FBLN2: variants seen among roughly 807,000 people sequenced by gnomAD.
The protein encoded by FBLN2 is fibulin-2.
A neutral mutation model predicts 123.7 loss-of-function variants in FBLN2; 81 were observed. The ratio of observed to expected loss-of-function variants is 0.65; its 90% CI spans 0.55 to 0.79. The LOEUF (loss-of-function observed/expected upper bound fraction) is 0.79, where lower values mean the gene tolerates loss of function less well. Among genes scored for constraint, FBLN2 ranks in the 30% least tolerant of loss-of-function variants. FBLN2 has a pLI of 0.00. For synonymous variants in FBLN2, 699 were observed against 701.4 expected, an observed-to-expected ratio of 1.00 and a Z score of 0.05; for missense variants, 1,603 against 1,681.3, an observed-to-expected ratio of 0.95 and a Z score of 0.81.
At chr3:13,627,684 G>A (rs186363266) in intron 10 of FBLN2, 148 bp from the exon 11 acceptor site, 23 of 1,016,582 alleles carry the variant, frequency 2.3e-5, no homozygotes, top group African/African-American at 1.6e-4. Context: ...AGGCCATGCC[G>A]GCAACAATGT....
At chr3:13,580,142 G>T (rs548147288) in intron 2 of FBLN2, among the ~76,000 whole-genome samples, 1 of 152,318 alleles carries the variant, frequency 6.6e-6, no homozygotes, top group South Asian at 2.1e-4. Flanking sequence ...GGGCATTGGG[G>T]TTGTTTCCAG....
chr3:13,585,382 G>C (rs1704463279), intron 2 of FBLN2, among the ~76,000 whole-genome samples: 2 of 152,172 alleles, frequency 1.3e-5, no homozygotes, highest in East Asian at 1.9e-4. Context: ...ATTTTAGTGG[G>C]GGGTGTGCAT....
At chr3:13,587,372 T>C (rs572594346) in intron 2 of FBLN2, among the ~76,000 whole-genome samples, 2 of 152,278 alleles carry the variant, frequency 1.3e-5, no homozygotes, top group Non-Finnish European at 2.9e-5. Flanking sequence ...CTAAATTTAG[T>C]GTAGCTGAAG....
intron 5 of FBLN2, among the ~76,000 whole-genome samples, chr3:13,616,771 G>C (rs1447365920): frequency 6.6e-6 from 1 of 152,204 alleles, no homozygotes; most frequent in Non-Finnish European, 1.5e-5. Context: ...AGGCAGCTCA[G>C]CCTCAGGAGC....
chr3:13,596,581 T>G (rs939856647), intron 2 of FBLN2, among the ~76,000 whole-genome samples: 2 of 152,190 alleles, frequency 1.3e-5, no homozygotes, highest in African/African-American at 4.8e-5. Flanking sequence ...ACATGACATT[T>G]TCCATTTTTA....
In FBLN2 at chr3:13,636,448, T is replaced by C. The variant is rs1706473777; in HGVS notation, c.3218T>C (p.Val1073Ala). 1 of 1,613,674 alleles carries C rather than the reference T, an allele frequency of 6.2e-7. No homozygotes were observed. Among genetic ancestry groups the C allele is most frequent in the Non-Finnish European group, 8.5e-7 (1 of 1,179,750 alleles). ...CATTGCCCCTCTTCTCCCCCAGACG[T>C]GGATGAGTGTGCACTGGGTACCCAC... is the stretch of plus-strand genomic sequence containing the variant. ...MTANGRSCKDVDECALGTHNC... is the reference protein window; with the variant it reads ...MTANGRSCKDADECALGTHNC... Residue 1073 changes from valine to alanine, a missense_variant, in exon 17 of 18, where the codon GTG becomes GCG. Val to Ala is a moderately conservative substitution (Grantham distance 64). Coordinates refer to ENST00000404922, the MANE Select transcript of FBLN2 (RefSeq NM_001004019.2).
chr3:13,569,173 G>A (rs112403375), intron 1 of FBLN2: 46 of 464,530 alleles, frequency 9.9e-5, no homozygotes, highest in African/African-American at 1.1e-4. Flanking sequence ...TGAGAAGGTG[G>A]CATTTGAGTG....
At chr3:13,580,997 C>G (rs1254587836) in intron 2 of FBLN2, among the ~76,000 whole-genome samples, 5 of 152,188 alleles carry the variant, frequency 3.3e-5, no homozygotes. Flanking sequence ...GCCACGTGGT[C>G]TCCAGCTGGT....
At chr3:13,568,818 T>A in intron 1 of FBLN2, 1 of 985,624 alleles carries the variant, frequency 1.0e-6, no homozygotes. Flanking sequence ...TTGGGTTTAT[T>A]ATCTGCCCCT....
intron 4 of FBLN2, among the ~76,000 whole-genome samples, chr3:13,611,038 C>G (rs1363127464): frequency 1.3e-5 from 2 of 152,012 alleles, no homozygotes; most frequent in Non-Finnish European, 2.9e-5. Flanking sequence ...TCCCGAGTAG[C>G]TGGGATTACA....
intron 16 of FBLN2, among the ~76,000 whole-genome samples, chr3:13,632,118 A>G (rs1363196424): frequency 6.6e-6 from 1 of 152,172 alleles, no homozygotes; most frequent in Non-Finnish European, 1.5e-5. Flanking sequence ...TCTGCTAGAG[A>G]GTCGTACTTC....
Position 13,626,501 on chromosome 3 carries a change from A to G in FBLN2, c.2353A>G (p.Asn785Asp). The change falls in exon 10 of 18, where the codon AAC becomes GAC. Residue 785 changes from asparagine (N) to aspartate (D), a missense_variant. Transcript: ENST00000404922. ...GTGCAGCCGGGGCGAGCACTGTGTGAACACACTGGGCTCCTTCCACTGCTA... is the reference window on the plus strand; with the variant it reads ...GTGCAGCCGGGGCGAGCACTGTGTGGACACACTGGGCTCCTTCCACTGCTA... ...HTCSRGEHCV[N>D]TLGSFHCYKA... The G allele has an allele frequency of 6.4e-7, 1 of 1,572,012 alleles. No individual in the cohort carries two copies. The highest frequency in any genetic ancestry group is 8.6e-7 in the Non-Finnish European group (1 of 1,158,580).
rs184754485 is a variant in FBLN2 at position 13,567,601 on chromosome 3, G to A, written c.-41-2714G>A. On this transcript the variant is annotated intron_variant, in intron 1 of 17. Transcript: ENST00000404922. ...TCGAACTCCTGACCTCAAGTGATCC[G>A]CCTGTCTTGGCCTCCCAAAGTGCTG... 1.5e-3 allele frequency among the ~76,000 whole-genome samples: 223 copies of A among 152,242 alleles called. 1 individual carries two copies. Among genetic ancestry groups the A allele is most frequent in the African/African-American group, 4.9e-3 (202 of 41,566 alleles).
At chr3:13,633,994 C>CACACACACACACACACACACACACAG (rs1486654741) in intron 16 of FBLN2, among the ~76,000 whole-genome samples, 1 of 150,582 alleles carries the variant, frequency 6.6e-6, no homozygotes, top group East Asian at 2.0e-4. Context: ...CACACACACA[C>CACACACACACACACACACACACACAG]AGCTGAAAGT....
chr3:13,565,180 C>T lies in FBLN2; in HGVS notation c.-41-5135C>T, dbSNP rs183555498. Reference sequence around the variant, plus strand: ...CACGTTCAAGTGATGGCCCTGAGTACGTAACCCCAGGTGTGAACCCTGCTG... The same window carrying T: ...CACGTTCAAGTGATGGCCCTGAGTATGTAACCCCAGGTGTGAACCCTGCTG... On this transcript the variant is annotated intron_variant, in intron 1 of 17. Transcript: ENST00000404922. 4.5e-3 allele frequency among the ~76,000 whole-genome samples: 690 copies of T among 152,308 alleles called. 4 individuals carry two copies. Among genetic ancestry groups the T allele is most frequent in the African/African-American group, 0.016 (669 of 41,552 alleles).
In FBLN2 at chr3:13,570,589, C is replaced by T. The variant is rs774285922; in HGVS notation, c.234C>T (p.Phe78=). The change falls in exon 2 of 18, where the codon TTC becomes TTT. Residue 78 remains phenylalanine (F), a synonymous_variant. Coordinates refer to ENST00000404922, the MANE Select transcript of FBLN2 (RefSeq NM_001004019.2). ...ACTATGACTGCCTACAGGGTGGCTT[C>T]GTGCGCGGCCGCGTGCCCGCCGGTC... ...YQYYDCLQGG[F]VRGRVPAGQS... 17 of 1,578,782 alleles carry T rather than the reference C, an allele frequency of 1.1e-5. No homozygotes were observed. Among genetic ancestry groups the T allele is most frequent in the South Asian group, 3.5e-5 (3 of 86,440 alleles).
At chr3:13,594,685 C>T (rs1049193855) in intron 2 of FBLN2, among the ~76,000 whole-genome samples, 49 of 152,290 alleles carry the variant, frequency 3.2e-4, no homozygotes, top group African/African-American at 1.1e-3. Flanking sequence ...GCCCAGGAAA[C>T]AGCTTTTGCC....
intron 1 of FBLN2, among the ~76,000 whole-genome samples, chr3:13,552,169 C>G (rs1368766177): frequency 6.6e-6 from 1 of 152,038 alleles, no homozygotes; most frequent in African/African-American, 2.4e-5. Flanking sequence ...AATTGAGATC[C>G]TAAAGGTCCC....
chr3:13,604,054 C>T (rs1440117482), intron 2 of FBLN2, among the ~76,000 whole-genome samples: 1 of 152,178 alleles, frequency 6.6e-6, no homozygotes, highest in Non-Finnish European at 1.5e-5. Flanking sequence ...AGTGTCTGTT[C>T]ATATCCTTCG....
Sources: allele counts gnomAD v4.1 joint callset (sites outside exome capture counted in the v4.1 genomes callset), GRCh38; gene constraint gnomAD v4.1.1; transcripts MANE v1.5; gene names NCBI Gene and HGNC (gene_info 2026-07-23, HGNC 2026-07-21).